The following MTSS1 variants were observed in gnomAD, a reference collection of about 807,000 sequenced individuals.
MTSS1 encodes the protein MTSS I-BAR domain containing 1, also known as protein MTSS 1.
Under a neutral mutation model 79.0 loss-of-function variants are expected in MTSS1, and 18 were observed. That is an observed-to-expected ratio of 0.23 (90% CI 0.16 to 0.34). MTSS1 has a LOEUF of 0.34. Among genes scored for constraint, MTSS1 ranks in the 10% least tolerant of loss-of-function variants. MTSS1 has a pLI of 1.00. For missense variants in MTSS1, 815 were observed against 986.2 expected (o/e 0.83, Z 2.33); for synonymous variants, 341 against 368.6 (o/e 0.93, Z 0.86).
chr8:124,707,656 C>T (rs912657459), intron 1 of MTSS1, among the ~76,000 whole-genome samples: 1 of 151,774 alleles, frequency 6.6e-6, no homozygotes, highest in East Asian at 1.9e-4. Flanking sequence ...TGCATTGAGC[C>T]GAGATCGCAC....
At chr8:124,664,972 A>T (rs1257507715) in intron 3 of MTSS1, among the ~76,000 whole-genome samples, 1 of 150,756 alleles carries the variant, frequency 6.6e-6, no homozygotes, top group Admixed American at 6.6e-5. Flanking sequence ...AGTTGGCAGG[A>T]TTTTTTTTTT....
intron 3 of MTSS1, among the ~76,000 whole-genome samples, chr8:124,646,717 A>C (rs953788694): frequency 6.6e-6 from 1 of 152,138 alleles, no homozygotes; most frequent in Non-Finnish European, 1.5e-5. Context: ...ATCTTGAAGG[A>C]AAATTTGTAT....
chr8:124,717,381 AGCTACTTGGGAG>A (rs1376944158), intron 1 of MTSS1, among the ~76,000 whole-genome samples: 2 of 151,934 alleles, frequency 1.3e-5, no homozygotes, highest in Non-Finnish European at 2.9e-5. Context: ...CTATAGTCCT[AGCTACTTGGGAG>A]GCTGAGGCAG....
At chr8:124,705,192 C>T (rs942059383) in intron 1 of MTSS1, among the ~76,000 whole-genome samples, 2 of 152,120 alleles carry the variant, frequency 1.3e-5, no homozygotes, top group Non-Finnish European at 2.9e-5. Context: ...AACTAAGGGC[C>T]GGGCGCCATG....
intron 3 of MTSS1, among the ~76,000 whole-genome samples, chr8:124,647,254 A>T (rs185177205): frequency 6.6e-6 from 1 of 152,338 alleles, no homozygotes; most frequent in East Asian, 1.9e-4. Context: ...TCATGTTTGG[A>T]TACATCTAGA....
At chr8:124,677,788 T>C (rs1356639642) in intron 3 of MTSS1, among the ~76,000 whole-genome samples, 1 of 152,210 alleles carries the variant, frequency 6.6e-6, no homozygotes, top group African/African-American at 2.4e-5. Context: ...TACCTACCCC[T>C]GTTCTGTGAA....
intron 3 of MTSS1, among the ~76,000 whole-genome samples, chr8:124,697,386 C>A (rs1023011303): frequency 4.0e-5 from 6 of 151,756 alleles, no homozygotes; most frequent in African/African-American, 1.5e-4. Context: ...ATGGTGAAAC[C>A]CCATCTCTAC....
intron 3 of MTSS1, among the ~76,000 whole-genome samples, chr8:124,593,136 ACT>A (rs1258879694): frequency 1.3e-5 from 2 of 152,068 alleles, no homozygotes; most frequent in African/African-American, 2.4e-5. Flanking sequence ...GTTTTCACAC[ACT>A]CTGCCCCGCC....
At chr8:124,620,237 C>G (rs369531544) in intron 3 of MTSS1, among the ~76,000 whole-genome samples, 1 of 152,082 alleles carries the variant, frequency 6.6e-6, no homozygotes, top group South Asian at 2.1e-4. Context: ...TGAGCCACTG[C>G]GCCCAGCCAG....
chr8:124,589,523 A>T, intron 5 of MTSS1, 97 bp downstream of exon 5: 6 of 889,044 alleles, frequency 6.7e-6, no homozygotes, highest in Non-Finnish European at 1.1e-5. Context: ...TGTTTTGGTG[A>T]CACCAATAAA....
intron 3 of MTSS1, among the ~76,000 whole-genome samples, chr8:124,665,375 C>T (rs191868501): frequency 9.6e-4 from 147 of 152,384 alleles, no homozygotes; most frequent in African/African-American, 3.4e-3. Flanking sequence ...GAGTTCGTAA[C>T]ATTTCATCCA....
At chr8:124,602,956 T>A (rs1298015262) in intron 3 of MTSS1, among the ~76,000 whole-genome samples, 1 of 152,226 alleles carries the variant, frequency 6.6e-6, no homozygotes, top group African/African-American at 2.4e-5. Flanking sequence ...CATGGTAACC[T>A]TAGAGCTGGA....
intron 13 of MTSS1, among the ~76,000 whole-genome samples, chr8:124,555,332 G>T (rs925363465): frequency 6.6e-6 from 1 of 152,016 alleles, no homozygotes; most frequent in South Asian, 2.1e-4. Flanking sequence ...TGCAAGCTCT[G>T]CCTCCTGGGT....
intron 10 of MTSS1, among the ~76,000 whole-genome samples, chr8:124,560,661 A>G (rs781584566): frequency 2.0e-5 from 3 of 152,166 alleles, no homozygotes; most frequent in Non-Finnish European, 4.4e-5. Context: ...AAAAAAAACG[A>G]ACAAAAATAA....
At chr8:124,640,935 G>T (rs2133987216) in intron 3 of MTSS1, among the ~76,000 whole-genome samples, 1 of 152,072 alleles carries the variant, frequency 6.6e-6, no homozygotes, top group African/African-American at 2.4e-5. Context: ...TTTATAAGTT[G>T]TTTTGCAACT....
At chr8:124,639,157 T>TA (rs1817569846) in intron 3 of MTSS1, among the ~76,000 whole-genome samples, 1 of 152,058 alleles carries the variant, frequency 6.6e-6, no homozygotes, top group South Asian at 2.1e-4. Context: ...GCCAACATGG[T>TA]GAAACCCCAT....
chr8:124,726,913 C>T (rs1330471601), intron 1 of MTSS1, among the ~76,000 whole-genome samples: 3 of 152,306 alleles, frequency 2.0e-5, no homozygotes, highest in African/African-American at 4.8e-5. Context: ...TTTCCCCCAC[C>T]GCTCCCAATT....
intron 1 of MTSS1, among the ~76,000 whole-genome samples, chr8:124,716,637 A>T (rs1423150410): frequency 6.6e-6 from 1 of 152,206 alleles, no homozygotes; most frequent in Non-Finnish European, 1.5e-5. Context: ...GAGCCAGGGA[A>T]TCTGCATTTT....
intron 10 of MTSS1, chr8:124,558,576 C>T: frequency 8.0e-7 from 1 of 1,256,662 alleles, no homozygotes; most frequent in Non-Finnish European, 1.1e-6. Flanking sequence ...CTTGTCCCAC[C>T]CTCTGTCCCC....
Sources: gnomAD v4.1 joint callset for allele counts (sites outside exome capture counted in the v4.1 genomes callset) on GRCh38, gnomAD v4.1.1 for gene constraint, MANE v1.5 for transcripts, NCBI Gene and HGNC (gene_info 2026-07-23, HGNC 2026-07-21) for gene names.